SEMA5A: variants seen among roughly 807,000 people sequenced by gnomAD.
SEMA5A encodes semaphorin 5A, also known as semaphorin-5A.
SEMA5A carries 55 observed loss-of-function variants against 135.5 expected under a neutral mutation model. The ratio of observed to expected loss-of-function variants is 0.41; its 90% CI spans 0.33 to 0.51. The LOEUF (loss-of-function observed/expected upper bound fraction) is 0.51. SEMA5A is among the 20% of genes least tolerant of loss of function. SEMA5A has a pLI of 0.37. For missense variants in SEMA5A, 1,290 were observed against 1,419.9 expected, an observed-to-expected ratio of 0.91 and a Z score of 1.47; for synonymous variants, 580 against 546.5, an observed-to-expected ratio of 1.06 and a Z score of -0.85.
chr5:9,488,495 TATC>T (rs1252110314), intron 1 of SEMA5A, among the ~76,000 whole-genome samples: 1 of 152,204 alleles, frequency 6.6e-6, no homozygotes, highest in Admixed American at 6.5e-5. Context: ...TCTGTCCTAT[TATC>T]AGCCTGAAAG....
rs1053013754 is a variant in SEMA5A, at chr5:9,102,139, C to T, written c.2073+6001G>A. 1.8e-4 allele frequency among the ~76,000 whole-genome samples: 27 copies of T among 152,274 alleles called. No homozygotes were observed. The East Asian group carries it at 3.1e-3, about 17-fold the overall frequency. On this transcript the variant is annotated intron_variant, in intron 16 of 22. Transcript: ENST00000382496. ...CAAATATGAATACAAAGGGAACTAA[C>T]GATTACAAACAAGCAAGCAGCCAAT...
intron 16 of SEMA5A, among the ~76,000 whole-genome samples, chr5:9,105,023 C>T (rs1739836962): frequency 6.6e-6 from 1 of 152,218 alleles, no homozygotes; most frequent in African/African-American, 2.4e-5. Context: ...TCTGGCCCTG[C>T]ACTTTGCAGA....
chr5:9,222,667 G>A (rs1427124585), intron 8 of SEMA5A, among the ~76,000 whole-genome samples: 2 of 152,222 alleles, frequency 1.3e-5, no homozygotes, highest in South Asian at 2.1e-4. Context: ...AAACATTAAT[G>A]CCTTTGTAAA....
chr5:9,288,290 G>C (rs1328498931), intron 5 of SEMA5A, among the ~76,000 whole-genome samples: 2 of 152,308 alleles, frequency 1.3e-5, no homozygotes, highest in African/African-American at 4.8e-5. Context: ...AATGCTGGGG[G>C]ATAAAGGGTC....
At chr5:9,519,751 C>T (rs1736718815) in intron 1 of SEMA5A, 1 of 152,206 alleles carries the variant, frequency 6.6e-6, no homozygotes, top group African/African-American at 2.4e-5. Context: ...ACTCTGAGAC[C>T]CAGCTCAGAC....
chr5:9,160,087 A>G (rs970498007), intron 11 of SEMA5A, among the ~76,000 whole-genome samples: 4 of 152,126 alleles, frequency 2.6e-5, no homozygotes, highest in Middle Eastern at 3.2e-3. Flanking sequence ...CTTAGAAGAC[A>G]GGTCAATAGG....
intron 5 of SEMA5A, among the ~76,000 whole-genome samples, chr5:9,316,034 A>G (rs1752375369): frequency 6.6e-6 from 1 of 152,030 alleles, no homozygotes; most frequent in African/African-American, 2.4e-5. Flanking sequence ...TATTCCTTCA[A>G]TATTCATTAG....
At chr5:9,265,190 C>T (rs1048893131) in intron 5 of SEMA5A, among the ~76,000 whole-genome samples, 2 of 152,114 alleles carry the variant, frequency 1.3e-5, no homozygotes, top group South Asian at 4.2e-4. Flanking sequence ...TAAAATTCAG[C>T]TCCACGGTCG....
intron 11 of SEMA5A, among the ~76,000 whole-genome samples, chr5:9,159,726 C>T (rs1743144385): frequency 6.6e-6 from 1 of 152,192 alleles, no homozygotes; most frequent in African/African-American, 2.4e-5. Context: ...GAAAATAAAT[C>T]ATTCTACTAT....
intron 11 of SEMA5A, among the ~76,000 whole-genome samples, chr5:9,183,521 G>A (rs1440964874): frequency 6.6e-6 from 1 of 152,200 alleles, no homozygotes; most frequent in Non-Finnish European, 1.5e-5. Flanking sequence ...GGAACCTCCT[G>A]GTCCTGCCCA....
At chr5:9,222,444 A>G (rs931141527) in intron 8 of SEMA5A, among the ~76,000 whole-genome samples, 1 of 152,100 alleles carries the variant, frequency 6.6e-6, no homozygotes, top group Non-Finnish European at 1.5e-5. Flanking sequence ...CTATCCTAGG[A>G]GAGAGGGTCT....
chr5:9,499,026 T>A (rs1240788432), intron 1 of SEMA5A, among the ~76,000 whole-genome samples: 1 of 152,242 alleles, frequency 6.6e-6, no homozygotes. Flanking sequence ...ACTATGTGTG[T>A]AAACGCAAAG....
intron 1 of SEMA5A, among the ~76,000 whole-genome samples, chr5:9,536,331 G>A (rs1561331337): frequency 6.6e-6 from 1 of 152,112 alleles, no homozygotes; most frequent in African/African-American, 2.4e-5. Flanking sequence ...AAAGACAGGA[G>A]GCCAGGCACA....
intron 13 of SEMA5A, among the ~76,000 whole-genome samples, chr5:9,132,247 C>G (rs1387253733): frequency 6.6e-6 from 1 of 152,136 alleles, no homozygotes; most frequent in African/African-American, 2.4e-5. Flanking sequence ...GGTCCCTTAT[C>G]CAATTCAAAC....
chr5:9,242,564 A>G (rs1377396378), intron 5 of SEMA5A, among the ~76,000 whole-genome samples: 7 of 152,196 alleles, frequency 4.6e-5, no homozygotes, highest in Non-Finnish European at 2.9e-5. Flanking sequence ...GAGCTAAGCT[A>G]TGAGTATGCA....
At chr5:9,228,029 G>T in intron 6 of SEMA5A, among the ~76,000 whole-genome samples, 1 of 152,174 alleles carries the variant, frequency 6.6e-6, no homozygotes, top group African/African-American at 2.4e-5. Flanking sequence ...ATGGACATGT[G>T]AGCTGGAGAG....
At chr5:9,421,178 T>A (rs10036184) in intron 2 of SEMA5A, among the ~76,000 whole-genome samples, 1 of 152,052 alleles carries the variant, frequency 6.6e-6, no homozygotes, top group Non-Finnish European at 1.5e-5. Flanking sequence ...TCTTCCTCCA[T>A]GTTTCTGCAA....
chr5:9,083,065 T>C (rs1460527307), intron 16 of SEMA5A, among the ~76,000 whole-genome samples: 4 of 152,208 alleles, frequency 2.6e-5, no homozygotes, highest in Non-Finnish European at 5.9e-5. Context: ...TAAAAGATAG[T>C]AGTAGAAACA....
chr5:9,078,511 G>A (rs1738191720), intron 16 of SEMA5A, among the ~76,000 whole-genome samples: 1 of 150,880 alleles, frequency 6.6e-6, no homozygotes, highest in Non-Finnish European at 1.5e-5. Flanking sequence ...ATTTACCCCA[G>A]ATTCTTTGAA....
Sources: allele counts gnomAD v4.1 joint callset (sites outside exome capture counted in the v4.1 genomes callset), GRCh38; gene constraint gnomAD v4.1.1; transcripts MANE v1.5; gene names NCBI Gene and HGNC (gene_info 2026-07-23, HGNC 2026-07-21).